CELA2A: variants seen among roughly 807,000 people sequenced by gnomAD.
CELA2A encodes the protein chymotrypsin like elastase 2A.
A neutral mutation model predicts 35.3 loss-of-function variants in CELA2A; 31 were observed. The observed-to-expected ratio is 0.88, with a 90% CI of 0.66 to 1.19. CELA2A has a LOEUF of 1.19. CELA2A is among the 50% of genes most tolerant of loss of function. CELA2A has a pLI of 0.00. For synonymous variants in CELA2A, 150 were observed against 149.8 expected, an observed-to-expected ratio of 1.00 and a Z score of -0.01; for missense variants, 330 against 352.9, an observed-to-expected ratio of 0.94 and a Z score of 0.52.
chr1:15,463,475 T>A lies in CELA2A; in HGVS notation c.446T>A (p.Leu149Gln), dbSNP rs1184706405. 9.3e-6 allele frequency: 15 copies of A among 1,613,904 alleles called. No individual in the cohort carries two copies. Among genetic ancestry groups the A allele is most frequent in the Non-Finnish European group, 1.3e-5 (15 of 1,179,946 alleles). ...LACLPPAGTILPNNYPCYVTG... is the reference protein window; with the variant it reads ...LACLPPAGTIQPNNYPCYVTG... ...TGCCTCCCTCCTGCCGGCACCATTC[T>A]ACCCAACAACTACCCCTGCTACGTC... Residue 149 changes from leucine (L) to glutamine (Q), a missense_variant, in exon 5 of 8, where the codon CTA (leucine) becomes CAA (glutamine). Coordinates refer to ENST00000359621, the MANE Select transcript of CELA2A (RefSeq NM_033440.3).
chr1:15,460,902 G>A (rs2103301380), intron 2 of CELA2A, among the ~76,000 whole-genome samples: 1 of 152,190 alleles, frequency 6.6e-6, no homozygotes, highest in Admixed American at 6.5e-5. Context: ...GGCTAATAAA[G>A]ACATATCTGA....
chr1:15,457,848 C>T (rs933287005), intron 2 of CELA2A, among the ~76,000 whole-genome samples: 6 of 152,102 alleles, frequency 3.9e-5, no homozygotes, highest in Admixed American at 6.5e-5. Flanking sequence ...GTGCTATTTG[C>T]GCAGATTAAT....
Position 15,467,470 on chromosome 1 carries a change from G to A in CELA2A, c.724G>A (p.Gly242Ser), listed in dbSNP as rs779585400. ...HGIVSFGSRL[G>S]CNYYHKPSVF... ...CATCGTCAGCTTCGGGTCTCGCCTC[G>A]GCTGCAACTACTACCACAAGCCCTC... Residue 242 changes from glycine (G) to serine (S), a missense_variant, in exon 7 of 8, where the codon GGC (glycine) becomes AGC (serine). Transcript: ENST00000359621. The A allele has an allele frequency of 2.0e-5, 32 of 1,613,978 alleles. No homozygotes were observed. The Admixed American group carries it at 2.5e-4, about 13-fold the overall frequency.
chr1:15,466,145 G>A lies in CELA2A; in HGVS notation c.639+1G>A, dbSNP rs752331004. 7 of 1,613,418 alleles carry A rather than the reference G, an allele frequency of 4.3e-6. No individual in the cohort carries two copies. The East Asian group carries it at 1.1e-4, about 26-fold the overall frequency. On this transcript the variant is annotated splice_donor_variant, in intron 6 of 7. Coordinates refer to ENST00000359621, the MANE Select transcript of CELA2A (RefSeq NM_033440.3). LOFTEE classifies it high-confidence loss of function. Reference sequence around the variant, plus strand: ...TGATGGCGTGATCTCCAGCTGCAACGTGAGTACCAAAATCAGGGGCTCCGC... The same window carrying A: ...TGATGGCGTGATCTCCAGCTGCAACATGAGTACCAAAATCAGGGGCTCCGC...
At chr1:15,460,203 T>C (rs1708414989) in intron 2 of CELA2A, among the ~76,000 whole-genome samples, 1 of 152,074 alleles carries the variant, frequency 6.6e-6, no homozygotes, top group Non-Finnish European at 1.5e-5. Flanking sequence ...AGGATTCAAA[T>C]CTGGTTCAGT....
intron 1 of CELA2A, 135 bp downstream of exon 1, chr1:15,456,928 G>T: frequency 7.5e-7 from 1 of 1,327,508 alleles, no homozygotes; most frequent in Middle Eastern, 1.9e-4. Context: ...CATTGGAATG[G>T]AGTTTCAAAG....
Position 15,465,992 on chromosome 1 carries a change from C to T in CELA2A, c.494-7C>T. The T allele has an allele frequency of 6.2e-7, 1 of 1,614,110 alleles. No individual in the cohort carries two copies. ...ATCCCTAATGGCTTCTCTCTGATCT[C>T]ATTCAGCCAACGGGGCTGTTCCTGA... On this transcript the variant is annotated splice_polypyrimidine_tract_variant and splice_region_variant and intron_variant, in intron 5 of 7. Transcript: ENST00000359621.
intron 7 of CELA2A, among the ~76,000 whole-genome samples, chr1:15,470,632 A>G (rs7513683): frequency 0.8 from 120,974 of 152,052 alleles, 48,248 homozygotes; most frequent in Non-Finnish European, 0.83. Flanking sequence ...CCAGGCTGAA[A>G]TGCAGTGGCT....
chr1:15,468,298 A>G (rs962160117), intron 7 of CELA2A, among the ~76,000 whole-genome samples: 1 of 152,112 alleles, frequency 6.6e-6, no homozygotes, highest in Admixed American at 6.5e-5. Flanking sequence ...AGGGTGACCA[A>G]CCATCATGGT....
At chr1:15,467,962 C>G (rs941140810) in intron 7 of CELA2A, among the ~76,000 whole-genome samples, 31 of 152,036 alleles carry the variant, frequency 2.0e-4, no homozygotes, top group African/African-American at 7.5e-4. Context: ...TGTGGTAGCG[C>G]ACTCCTGTAA....
chr1:15,463,498 G>A lies in CELA2A; in HGVS notation c.469G>A (p.Val157Ile), dbSNP rs199836994. 1.1e-5 allele frequency: 18 copies of A among 1,613,780 alleles called. No individual in the cohort carries two copies. The highest frequency in any genetic ancestry group is 7.7e-5 in the South Asian group (7 of 91,064). ...TCTACCCAACAACTACCCCTGCTACGTCACGGGCTGGGGAAGGCTGCAGAG... is the reference window on the plus strand; with the variant it reads ...TCTACCCAACAACTACCCCTGCTACATCACGGGCTGGGGAAGGCTGCAGAG... ...TILPNNYPCYVTGWGRLQTNG... is the reference protein window; with the variant it reads ...TILPNNYPCYITGWGRLQTNG... Residue 157 changes from valine (V) to isoleucine (I), a missense_variant, in exon 5 of 8, where the codon GTC becomes ATC. Physicochemically the swap from Val to Ile is conservative, Grantham distance 29. Transcript: ENST00000359621.
At chr1:15,461,009 G>T (rs370908001) in intron 2 of CELA2A, among the ~76,000 whole-genome samples, 7 of 152,248 alleles carry the variant, frequency 4.6e-5, no homozygotes, top group Non-Finnish European at 8.8e-5. Flanking sequence ...AGAAGGGAAA[G>T]GAAACACATC....
intron 1 of CELA2A, 27 bp downstream of exon 1, chr1:15,456,820 G>T: frequency 1.2e-6 from 2 of 1,614,102 alleles, no homozygotes; most frequent in South Asian, 2.2e-5. Context: ...AGAGGCACTG[G>T]TTTCCCATGC....
intron 5 of CELA2A, 95 bp from the exon 6 acceptor site, chr1:15,465,904 G>C: frequency 6.9e-7 from 1 of 1,441,002 alleles, no homozygotes; most frequent in Non-Finnish European, 9.6e-7. Context: ...GCAATGGATG[G>C]AAGACAGGAA....
intron 2 of CELA2A, among the ~76,000 whole-genome samples, chr1:15,458,277 T>C (rs1708387260): frequency 6.6e-6 from 1 of 152,058 alleles, no homozygotes; most frequent in Non-Finnish European, 1.5e-5. Context: ...TATGAGCCCA[T>C]CCAATCTTTC....
At chr1:15,465,246 A>G (rs971391333) in intron 5 of CELA2A, among the ~76,000 whole-genome samples, 1 of 152,016 alleles carries the variant, frequency 6.6e-6, no homozygotes, top group African/African-American at 2.4e-5. Flanking sequence ...CTTGACCTCA[A>G]GTGATCTGCC....
rs184873498 is a variant in CELA2A at position 15,467,095 on chromosome 1, C to T, written c.640-291C>T. On this transcript the variant is annotated intron_variant, in intron 6 of 7. Transcript: ENST00000359621. ...GGGCAAGTCCCAACCTCTCAACACT[C>T]CAGTTTCTCCTCTTCCGTGGCCTGG... Among the ~76,000 whole-genome samples the T allele has an allele frequency of 1.6e-4, 24 of 152,336 alleles. 1 individual carries two copies. In the East Asian group the frequency reaches 4.4e-3, roughly 28 times the overall value.
chr1:15,458,827 C>T (rs759278860), intron 2 of CELA2A, among the ~76,000 whole-genome samples: 5 of 142,778 alleles, frequency 3.5e-5, no homozygotes, highest in Non-Finnish European at 6.0e-5. Flanking sequence ...GCACAAGAAT[C>T]GCTTGAACCT....
At chr1:15,461,393 G>GT (rs200360396) in intron 2 of CELA2A, among the ~76,000 whole-genome samples, 168 bp from the exon 3 acceptor site, 12 of 152,294 alleles carry the variant, frequency 7.9e-5, no homozygotes, top group South Asian at 2.1e-4. Context: ...GCATTAACAC[G>GT]TTTTTTATCT....
Sources: allele counts gnomAD v4.1 joint callset (sites outside exome capture counted in the v4.1 genomes callset), GRCh38; gene constraint gnomAD v4.1.1; transcripts MANE v1.5; gene names NCBI Gene and HGNC (gene_info 2026-07-23, HGNC 2026-07-21).